Variants in KHDRBS3 observed in about 807,000 individuals in gnomAD.
The protein encoded by KHDRBS3 is KH RNA binding domain containing, signal transduction associated 3.
KHDRBS3 carries 23 observed loss-of-function variants against 45.6 expected under a neutral mutation model. That is an observed-to-expected ratio of 0.50 (90% CI 0.36 to 0.72). KHDRBS3 has a LOEUF of 0.72. Ranked by LOEUF, KHDRBS3 falls within the 30% of genes least tolerant of loss-of-function variation. The pLI, the probability that KHDRBS3 is intolerant of heterozygous loss-of-function variation, is 0.00. For missense variants in KHDRBS3, 352 were observed against 424.8 expected (o/e 0.83, Z 1.51); for synonymous variants, 162 against 156.5 (o/e 1.04, Z -0.26).
intron 7 of KHDRBS3, among the ~76,000 whole-genome samples, chr8:135,608,161 T>G (rs1049301879): frequency 6.6e-6 from 1 of 152,160 alleles, no homozygotes. Flanking sequence ...ATTGTTTTCA[T>G]TGTATACATG....
At chr8:135,611,401 C>T (rs1829699770) in intron 7 of KHDRBS3, among the ~76,000 whole-genome samples, 1 of 151,922 alleles carries the variant, frequency 6.6e-6, no homozygotes, top group Non-Finnish European at 1.5e-5. Flanking sequence ...TCCACTACAG[C>T]ACTCTTAGCT....
chr8:135,532,223 T>C (rs929823299), intron 2 of KHDRBS3, among the ~76,000 whole-genome samples: 3 of 152,212 alleles, frequency 2.0e-5, no homozygotes, highest in African/African-American at 4.8e-5. Context: ...ATACTAAGAA[T>C]GGGGATTTAT....
chr8:135,473,348 A>G (rs1303034427), intron 1 of KHDRBS3, among the ~76,000 whole-genome samples: 2 of 152,172 alleles, frequency 1.3e-5, no homozygotes, highest in East Asian at 1.9e-4. Flanking sequence ...CAGCACATGC[A>G]TGCTGAAACT....
Position 135,646,115 on chromosome 8 carries a change from A to T in KHDRBS3, c.950-878A>T, listed in dbSNP as rs893454901. Among the ~76,000 whole-genome samples, 3 of 146,050 alleles carry T rather than the reference A, an allele frequency of 2.1e-5. No individual in the cohort carries two copies. In the Admixed American group the frequency reaches 2.1e-4, roughly 10 times the overall value. On this transcript the variant is annotated intron_variant, in intron 8 of 8. Transcript: ENST00000355849. ...AAGTTAGCTTGAGGGAGTGACGTTG[A>T]TTGCATGTTTTGTATCAAAAGAAGA...
intron 4 of KHDRBS3, among the ~76,000 whole-genome samples, chr8:135,550,831 A>G (rs1320646764): frequency 6.6e-6 from 1 of 152,132 alleles, no homozygotes. Context: ...TCATCTTAAC[A>G]ATTTTGAGTT....
chr8:135,543,272 T>G (rs1264567321), intron 3 of KHDRBS3, among the ~76,000 whole-genome samples: 1 of 152,226 alleles, frequency 6.6e-6, no homozygotes, highest in Non-Finnish European at 1.5e-5. Context: ...ACATAATTGT[T>G]CTACTTAGAT....
intron 1 of KHDRBS3, among the ~76,000 whole-genome samples, chr8:135,471,823 C>T (rs1822031184): frequency 1.3e-5 from 2 of 152,212 alleles, no homozygotes; most frequent in East Asian, 1.9e-4. Flanking sequence ...TCTCTGTGTG[C>T]CAGCTACTAG....
At chr8:135,471,339 T>TAAGAG (rs113118653) in intron 1 of KHDRBS3, among the ~76,000 whole-genome samples, 20 of 152,344 alleles carry the variant, frequency 1.3e-4, no homozygotes, top group Middle Eastern at 3.4e-3. Context: ...GAAACACCCC[T>TAAGAG]AAGACTGGTT....
intron 7 of KHDRBS3, among the ~76,000 whole-genome samples, chr8:135,637,514 G>A (rs577256802): frequency 6.6e-6 from 1 of 151,924 alleles, no homozygotes; most frequent in Non-Finnish European, 1.5e-5. Context: ...AAAGGAACGG[G>A]GCAAAATAAT....
intron 1 of KHDRBS3, among the ~76,000 whole-genome samples, chr8:135,496,108 G>A (rs1332682157): frequency 6.8e-6 from 1 of 147,600 alleles, no homozygotes; most frequent in Non-Finnish European, 1.5e-5. Context: ...TTTAACTACA[G>A]CTAGAGAGAT....
chr8:135,606,891 A>G (rs1189554943), intron 6 of KHDRBS3, 64 bp from the exon 7 acceptor site: 2 of 1,253,636 alleles, frequency 1.6e-6, no homozygotes, highest in African/African-American at 3.0e-5. Flanking sequence ...CACTAAAAGC[A>G]GAATGCTTCT....
chr8:135,521,783 T>C (rs1009471082), intron 2 of KHDRBS3, among the ~76,000 whole-genome samples: 1 of 152,246 alleles, frequency 6.6e-6, no homozygotes, highest in Non-Finnish European at 1.5e-5. Flanking sequence ...TCTTGCATAC[T>C]GTTGTGTGTA....
chr8:135,549,753 G>C (rs567586630), intron 4 of KHDRBS3: 1 of 152,158 alleles, frequency 6.6e-6, no homozygotes, highest in African/African-American at 2.4e-5. Context: ...GGTTAGTTTG[G>C]TGGATTGACT....
chr8:135,502,889 C>G (rs1170205501), intron 1 of KHDRBS3, among the ~76,000 whole-genome samples: 2 of 152,114 alleles, frequency 1.3e-5, no homozygotes, highest in Admixed American at 6.6e-5. Context: ...CTGTAGTAAC[C>G]TCTAGCCACA....
chr8:135,625,503 G>T, intron 7 of KHDRBS3: 1 of 803,492 alleles, frequency 1.2e-6, no homozygotes, highest in Non-Finnish European at 2.2e-6. Context: ...ATGGGCCTCA[G>T]GGGAGCTGCA....
chr8:135,596,754 AC>A (rs2130985593), intron 6 of KHDRBS3, among the ~76,000 whole-genome samples: 1 of 152,368 alleles, frequency 6.6e-6, no homozygotes, highest in East Asian at 1.9e-4. Flanking sequence ...ACATTTTGTA[AC>A]TGAAAAGAAC....
chr8:135,619,114 T>A (rs944027301), intron 7 of KHDRBS3, among the ~76,000 whole-genome samples: 27 of 152,244 alleles, frequency 1.8e-4, no homozygotes, highest in African/African-American at 6.0e-4. Flanking sequence ...CTCTGATGCT[T>A]TTTTGTTCAG....
At chr8:135,476,475 T>C (rs1330451358) in intron 1 of KHDRBS3, among the ~76,000 whole-genome samples, 1 of 152,190 alleles carries the variant, frequency 6.6e-6, no homozygotes, top group African/African-American at 2.4e-5. Context: ...ATTGTGCTCC[T>C]CTTTAACTGC....
At chr8:135,619,923 G>GA (rs1830068697) in intron 7 of KHDRBS3, among the ~76,000 whole-genome samples, 1 of 152,152 alleles carries the variant, frequency 6.6e-6, no homozygotes, top group African/African-American at 2.4e-5. Context: ...TTTCTTAAGG[G>GA]AGCAGTGTGG....
Sources: gnomAD v4.1 joint callset for allele counts (sites outside exome capture counted in the v4.1 genomes callset) on GRCh38, gnomAD v4.1.1 for gene constraint, MANE v1.5 for transcripts, NCBI Gene and HGNC (gene_info 2026-07-23, HGNC 2026-07-21) for gene names.